CERS4: variants seen among roughly 807,000 people sequenced by gnomAD.
CERS4 encodes the protein LAG1 homolog, ceramide synthase 4.
CERS4 carries 65 observed loss-of-function variants against 51.8 expected under a neutral mutation model. The ratio of observed to expected loss-of-function variants is 1.26; its 90% confidence interval spans 1.03 to 1.54. The LOEUF is 1.54. Ranked by LOEUF, CERS4 falls within the 40% of genes most tolerant of loss-of-function variation. CERS4 has a pLI of 0.00. For missense variants in CERS4, 563 were observed against 500.4 expected, an observed-to-expected ratio of 1.13 and a Z score of -1.19; for synonymous variants, 228 against 208.4, an observed-to-expected ratio of 1.09 and a Z score of -0.81.
Position 8,233,189 on chromosome 19 carries a change from G to A in CERS4, c.-1-17887G>A, listed in dbSNP as rs563400428. Among the ~76,000 whole-genome samples the A allele has an allele frequency of 2.0e-4, 30 of 151,500 alleles. 1 individual carries two copies. The South Asian group carries it at 3.1e-3, about 16-fold the overall frequency. On this transcript the variant is annotated intron_variant, in intron 2 of 11. Transcript: ENST00000251363. ...CTCGGCTAATTTTTTTTTGGGGGGC[G>A]GAGTCTTGCTCTGTCACCCAGGCTG...
chr19:8,252,442 CTTTTT>C (rs58506162), intron 3 of CERS4, among the ~76,000 whole-genome samples: 5 of 148,668 alleles, frequency 3.4e-5, no homozygotes, highest in African/African-American at 2.5e-5. Flanking sequence ...GGCTGGCTAA[CTTTTT>C]TTTTTTTTTG....
rs1045267126 is a variant in CERS4 at position 8,254,483 on chromosome 19, T to G, written c.174-16T>G. 1 of 1,610,904 alleles carries G rather than the reference T, an allele frequency of 6.2e-7. No individual in the cohort carries two copies. The highest frequency in any genetic ancestry group is 8.5e-7 in the Non-Finnish European group (1 of 1,177,652). The stretch of plus-strand genomic sequence containing the variant: ...TCTTCACCTGGGCTGATAGGCTCTG[T>G]CTCCTTTGCACCCAGATTCATTGGC... On this transcript the variant is annotated splice_polypyrimidine_tract_variant and intron_variant, in intron 3 of 11. Transcript: ENST00000251363.
chr19:8,255,882 GA>G lies in CERS4; in HGVS notation c.468+4del, dbSNP rs1368676709. The G allele has an allele frequency of 9.9e-6, 16 of 1,613,512 alleles. No homozygotes were observed. Among genetic ancestry groups the G allele is most frequent in the Non-Finnish European group, 1.4e-5 (16 of 1,179,912 alleles). ...GCGGCCTCTCGGTCCTGTACCACGT[GA>G]GTATACCAGAGTATAGCTGACTGCT... is the stretch of plus-strand genomic sequence containing the variant. On this transcript the variant is annotated splice_donor_region_variant and intron_variant, in intron 6 of 11. Coordinates refer to ENST00000251363, the MANE Select transcript of CERS4 (RefSeq NM_024552.3).
At chr19:8,261,182 C>CTGGGAGATTAGG (rs1969679894) in intron 10 of CERS4, 1 of 154,904 alleles carries the variant, frequency 6.5e-6, no homozygotes, top group Non-Finnish European at 1.4e-5. Context: ...GTCCGGCTAC[C>CTGGGAGATTAGG]CGGGAGATGA....
intron 8 of CERS4, 33 bp downstream of exon 8, chr19:8,256,743 C>A (rs2145322887): frequency 1.2e-6 from 2 of 1,602,024 alleles, no homozygotes; most frequent in African/African-American, 1.3e-5. Flanking sequence ...AAGACCCAGT[C>A]TCTGGCCGGG....
At chr19:8,213,597 T>A (rs1038082) in intron 2 of CERS4, among the ~76,000 whole-genome samples, 2 of 152,022 alleles carry the variant, frequency 1.3e-5, no homozygotes, top group South Asian at 4.1e-4. Flanking sequence ...CATGAGCCAC[T>A]GTGCCTGGCC....
intron 2 of CERS4, among the ~76,000 whole-genome samples, chr19:8,236,641 G>A (rs111960683): frequency 7.0e-6 from 1 of 142,204 alleles, no homozygotes; most frequent in Non-Finnish European, 1.5e-5. Context: ...ATCTCGCCAC[G>A]GCACTCTAGC....
rs187190145 is a variant in CERS4, at chr19:8,233,819, C to A, written c.-1-17257C>A. On this transcript the variant is annotated intron_variant, in intron 2 of 11. Transcript: ENST00000251363. Reference sequence around the variant, plus strand: ...CTTGATTCCAAGAGTTTGAGACCAACCCGGGTGACATGGCGAAATCCTGTC... The same window carrying A: ...CTTGATTCCAAGAGTTTGAGACCAAACCGGGTGACATGGCGAAATCCTGTC... 2.3e-3 allele frequency among the ~76,000 whole-genome samples: 348 copies of A among 150,864 alleles called. 2 individuals are homozygous for A. Among genetic ancestry groups the A allele is most frequent in the African/African-American group, 8.0e-3 (329 of 41,082 alleles).
chr19:8,258,430 C>T (rs746876392), intron 10 of CERS4, among the ~76,000 whole-genome samples: 41 of 152,138 alleles, frequency 2.7e-4, no homozygotes, highest in Non-Finnish European at 5.6e-4. Context: ...TTTGACGGGC[C>T]GGGCGTGGTA....
At chr19:8,225,784 G>A (rs1967762120) in intron 2 of CERS4, among the ~76,000 whole-genome samples, 1 of 152,072 alleles carries the variant, frequency 6.6e-6, no homozygotes. Flanking sequence ...GCCCATGTCT[G>A]TCTGGAATGC....
intron 3 of CERS4, 29 bp downstream of exon 3, chr19:8,251,278 GC>G: frequency 6.5e-7 from 1 of 1,550,356 alleles, no homozygotes; most frequent in Non-Finnish European, 8.7e-7. Context: ...GCAATCCATT[GC>G]CCCCGCAGTC....
chr19:8,256,863 C>A, intron 8 of CERS4, 86 bp from the exon 9 acceptor site: 1 of 1,604,550 alleles, frequency 6.2e-7, no homozygotes, highest in Non-Finnish European at 8.5e-7. Context: ...CACCAACCCC[C>A]TGAAAGGACC....
chr19:8,235,747 T>G (rs1968221816), intron 2 of CERS4, among the ~76,000 whole-genome samples: 1 of 151,188 alleles, frequency 6.6e-6, no homozygotes, highest in South Asian at 2.1e-4. Flanking sequence ...ATTTTAAAAT[T>G]AGGCAGGCTG....
rs190215352 is a variant in CERS4, at chr19:8,213,940, C to T, written c.-2+3078C>T. 3.4e-4 allele frequency among the ~76,000 whole-genome samples: 52 copies of T among 152,236 alleles called. 1 individual carries two copies. The highest frequency in any genetic ancestry group is 1.1e-3 in the African/African-American group (47 of 41,552). ...AAGATCGCACTACTGCACTACTGCA[C>T]TCCAGCCTGGGTGACAGAGCAAGAC... On this transcript the variant is annotated intron_variant, in intron 2 of 11. Transcript: ENST00000251363.
intron 2 of CERS4, among the ~76,000 whole-genome samples, chr19:8,247,103 T>C (rs915605036): frequency 3.9e-5 from 6 of 152,058 alleles, no homozygotes; most frequent in African/African-American, 1.4e-4. Context: ...AAGGTGGAGG[T>C]TGCAGTGAGC....
intron 4 of CERS4, 110 bp downstream of exon 4, chr19:8,254,726 C>T (rs1233060115): frequency 1.1e-6 from 1 of 872,022 alleles, no homozygotes; most frequent in Admixed American, 2.1e-5. Context: ...GCTGCAGGCA[C>T]CCCTGCAATG....
chr19:8,260,971 A>AAAAAT (rs1170010055), intron 10 of CERS4: 7 of 151,042 alleles, frequency 4.6e-5, no homozygotes, highest in Non-Finnish European at 7.3e-5. Context: ...AAAAAAAAAA[A>AAAAAT]AAAAAACAAG....
Position 8,210,626 on chromosome 19 carries a change from A to G in CERS4, c.-158-80A>G, listed in dbSNP as rs1967046964. ...CACTGGGGCGACCTGGGTCTGTTAT[A>G]TGGGGATAGGGTTCCTGGACTGTGG... On this transcript the variant is annotated intron_variant, in intron 1 of 11. Coordinates refer to ENST00000251363, the MANE Select transcript of CERS4 (RefSeq NM_024552.3). The surrounding 1 kb of genome is among the most constrained non-coding windows in gnomAD (Gnocchi z 4.2). 1 of 149,774 alleles carries G rather than the reference A, an allele frequency of 6.7e-6. No homozygotes were observed. Among genetic ancestry groups the G allele is most frequent in the African/African-American group, 2.6e-5 (1 of 39,062 alleles). 9.3% of individuals were successfully genotyped at this position (149,774 alleles called of 1,614,324 possible).
At chr19:8,227,497 A>G (rs1490051924) in intron 2 of CERS4, among the ~76,000 whole-genome samples, 1 of 151,714 alleles carries the variant, frequency 6.6e-6, no homozygotes, top group Non-Finnish European at 1.5e-5. Context: ...GCTGGCCACC[A>G]CGCCTAGCTA....
Sources: gnomAD v4.1 joint callset for allele counts (sites outside exome capture counted in the v4.1 genomes callset) on GRCh38, gnomAD v4.1.1 for gene constraint, Gnocchi (gnomAD v3.1) non-coding constraint, MANE v1.5 for transcripts, NCBI Gene and HGNC (gene_info 2026-07-23, HGNC 2026-07-21) for gene names.